ABI3BP: variants seen among roughly 807,000 people sequenced by gnomAD.
ABI3BP encodes the protein ABI family member 3 binding protein, also known as target of Nesh-SH3.
A neutral mutation model predicts 268.6 loss-of-function variants in ABI3BP; 216 were observed. That is an observed-to-expected ratio of 0.80 (90% CI 0.72 to 0.90). ABI3BP has a LOEUF of 0.90. ABI3BP is among the 40% of genes least tolerant of loss of function. The pLI, the probability that ABI3BP is intolerant of heterozygous loss-of-function variation, is 0.00. For synonymous variants in ABI3BP, 730 were observed against 730.0 expected (o/e 1.00, Z 0.00); for missense variants, 2,090 against 2,182.4 (o/e 0.96, Z 0.84).
At chr3:100,817,863 A>T (rs73135539) in intron 41 of ABI3BP, among the ~76,000 whole-genome samples, 21,812 of 152,200 alleles carry the variant, frequency 0.14, 1,983 homozygotes, top group South Asian at 0.27. Flanking sequence ...TATCTTGTTA[A>T]CTACTGTCTA....
At chr3:100,979,180 G>A (rs190343921) in intron 1 of ABI3BP, among the ~76,000 whole-genome samples, 16 of 152,262 alleles carry the variant, frequency 1.1e-4, no homozygotes, top group East Asian at 7.7e-4. Flanking sequence ...GGACCACTGC[G>A]CTCAGTGATT....
At chr3:100,790,493 CTAAGT>C (rs1388084318) in intron 55 of ABI3BP, among the ~76,000 whole-genome samples, 1 of 151,966 alleles carries the variant, frequency 6.6e-6, no homozygotes, top group African/African-American at 2.4e-5. Context: ...GCCTTGCCTA[CTAAGT>C]TAAAAAAGTA....
rs888102611 is a variant in ABI3BP, at chr3:100,813,722, C to T, written c.3303G>A (p.Leu1101=). ...APGTTFALTE[L]QTLILKPVTS... is the part of the protein sequence containing the mutation. ...TCACTGGTTTCAAAATAAGAGTTTG[C>T]AGTTCAGTCAGAGCTGAAAGAAGAG... The change falls in exon 45 of 68, where the codon CTG becomes CTA. Residue 1101 remains leucine (L), a synonymous_variant. Coordinates refer to ENST00000471714, the MANE Select transcript of ABI3BP (RefSeq NM_001375547.2). 9.1e-6 allele frequency: 14 copies of T among 1,535,124 alleles called. No individual in the cohort carries two copies. In the Admixed American group the frequency reaches 1.8e-4, roughly 19 times the overall value.
chr3:100,922,315 C>T (rs187715916), intron 2 of ABI3BP, among the ~76,000 whole-genome samples: 5 of 152,238 alleles, frequency 3.3e-5, no homozygotes, highest in Non-Finnish European at 7.4e-5. Flanking sequence ...CCCAACAAAG[C>T]TTGCTTACAT....
intron 1 of ABI3BP, among the ~76,000 whole-genome samples, chr3:100,939,761 A>G (rs1188108487): frequency 6.6e-6 from 1 of 152,080 alleles, no homozygotes; most frequent in Non-Finnish European, 1.5e-5. Flanking sequence ...TTTTGAGAGC[A>G]ACCGGTCTGA....
rs2098638349 is a variant in ABI3BP at position 100,838,454 on chromosome 3, TG to T, written c.1955del (p.Pro652HisfsTer57). 6.5e-7 allele frequency: 1 copy of T among 1,535,568 alleles called. No individual in the cohort carries two copies. The highest frequency in any genetic ancestry group is 2.0e-5 in the Admixed American group (1 of 50,958). ...TGTGTGTGGTTTTAGGTCTCTCAGA[TG>T]GTTTTGAGGCTAAAGAAAAAGGTAT... is the stretch of plus-strand genomic sequence containing the variant. ...EPLVPTTASK[P>X]SERPKTTHRP... On this transcript the variant is annotated frameshift_variant, in exon 25 of 68. Coordinates refer to ENST00000471714, the MANE Select transcript of ABI3BP (RefSeq NM_001375547.2). LOFTEE classifies it high-confidence loss of function.
Position 100,902,658 on chromosome 3 carries a change from C to T in ABI3BP, c.288G>A (p.Val96=). The change falls in exon 3 of 68, where the codon GTG becomes GTA. Residue 96 remains valine (V), a synonymous_variant. Transcript: ENST00000471714. ...VDAEPKYLIV[V]RPAPPPSQKK... is the part of the protein sequence containing the mutation. ...TTTGACTTGGAGGTGGAGCAGGTCG[C>T]ACAACTATCAGATATTTCGGCTCTG... 1.2e-6 allele frequency: 2 copies of T among 1,613,890 alleles called. No homozygotes were observed. Among genetic ancestry groups the T allele is most frequent in the Non-Finnish European group, 1.7e-6 (2 of 1,179,860 alleles).
chr3:100,938,345 C>T (rs1455325789), intron 1 of ABI3BP, among the ~76,000 whole-genome samples: 1 of 150,454 alleles, frequency 6.6e-6, no homozygotes, highest in Non-Finnish European at 1.5e-5. Context: ...AATAATTTAA[C>T]ATTTTCTTTA....
At chr3:100,757,382 C>T (rs893111761) in intron 63 of ABI3BP, among the ~76,000 whole-genome samples, 2 of 152,068 alleles carry the variant, frequency 1.3e-5, no homozygotes, top group African/African-American at 4.8e-5. Flanking sequence ...AAGACAAGTC[C>T]TCAAAACTGA....
intron 1 of ABI3BP, among the ~76,000 whole-genome samples, chr3:100,956,701 A>G (rs1002752143): frequency 6.6e-6 from 1 of 152,234 alleles, no homozygotes; most frequent in African/African-American, 2.4e-5. Context: ...AAACAGGAAG[A>G]GTCAAGGTGG....
rs765921804 is a variant in ABI3BP at position 100,832,296 on chromosome 3, G to A, written c.2369C>T (p.Thr790Met). The A allele has an allele frequency of 3.6e-5, 56 of 1,535,474 alleles. No individual in the cohort carries two copies. The highest frequency in any genetic ancestry group is 1.8e-4 in the South Asian group (15 of 84,038). Reference sequence around the variant, plus strand: ...AGTTTGAGGTACTTCTGGATGGGGCGTGGTTTTAGGTTTGGGATGTGGACG... The same window carrying A: ...AGTTTGAGGTACTTCTGGATGGGGCATGGTTTTAGGTTTGGGATGTGGACG... ...TRRPHPKPKT[T>M]PHPEVPQTKL... The change falls in exon 31 of 68, where the codon ACG becomes ATG. Residue 790 changes from threonine (T) to methionine (M), a missense_variant. Coordinates refer to ENST00000471714, the MANE Select transcript of ABI3BP (RefSeq NM_001375547.2).
chr3:100,927,853 C>G (rs747508365), intron 1 of ABI3BP, among the ~76,000 whole-genome samples: 20 of 152,048 alleles, frequency 1.3e-4, no homozygotes, highest in Admixed American at 5.2e-4. Context: ...TTAAACCTGG[C>G]CCATAGTAAT....
At chr3:100,754,511 A>G in intron 64 of ABI3BP, 101 bp downstream of exon 64, 2 of 1,154,240 alleles carry the variant, frequency 1.7e-6, no homozygotes, top group Non-Finnish European at 2.5e-6. Flanking sequence ...AAATTCAAGA[A>G]ACAGTACATG....
intron 32 of ABI3BP, among the ~76,000 whole-genome samples, chr3:100,830,158 TATATATAA>T (rs1457985229): frequency 1.4e-4 from 11 of 78,888 alleles, no homozygotes; most frequent in African/African-American, 4.9e-4. Flanking sequence ...TATATATATA[TATATATAA>T]AATGCAGATA....
chr3:100,813,422 G>A (rs2097913657), intron 45 of ABI3BP, among the ~76,000 whole-genome samples: 1 of 152,030 alleles, frequency 6.6e-6, no homozygotes, highest in Non-Finnish European at 1.5e-5. Flanking sequence ...AATCAGATAT[G>A]TGGTTATTTT....
At chr3:100,852,096 A>G (rs1270204449) in intron 14 of ABI3BP, among the ~76,000 whole-genome samples, 156 bp from the exon 15 acceptor site, 1 of 152,160 alleles carries the variant, frequency 6.6e-6, no homozygotes, top group Non-Finnish European at 1.5e-5. Flanking sequence ...CCTTGTCACT[A>G]ACATCTAAGC....
Position 100,837,177 on chromosome 3 carries a change from T to A in ABI3BP, c.2084-6A>T. On this transcript the variant is annotated splice_region_variant and splice_polypyrimidine_tract_variant and intron_variant, in intron 26 of 67. Transcript: ENST00000471714. Reference sequence around the variant, plus strand: ...AAATGGAACAGGCTCAGAGACTGCATCATAAAAAATAAACAGATATAAGTA... The same window carrying A: ...AAATGGAACAGGCTCAGAGACTGCAACATAAAAAATAAACAGATATAAGTA... 1.3e-6 allele frequency: 2 copies of A among 1,532,798 alleles called. No homozygotes were observed. Among genetic ancestry groups the A allele is most frequent in the South Asian group, 1.2e-5 (1 of 83,454 alleles). 94.9% of individuals were successfully genotyped at this position (1,532,798 alleles called of 1,614,324 possible).
intron 1 of ABI3BP, among the ~76,000 whole-genome samples, chr3:100,986,132 C>G (rs974265907): frequency 2.0e-5 from 3 of 152,174 alleles, no homozygotes; most frequent in African/African-American, 7.2e-5. Flanking sequence ...TTTGATGAAG[C>G]AAGTGGCCAT....
chr3:100,883,925 A>G (rs183412939), intron 6 of ABI3BP, among the ~76,000 whole-genome samples: 8 of 152,202 alleles, frequency 5.3e-5, no homozygotes, highest in Admixed American at 5.2e-4. Flanking sequence ...GGAAACTTAT[A>G]ATCATGCACT....
Sources: allele counts gnomAD v4.1 joint callset (sites outside exome capture counted in the v4.1 genomes callset), GRCh38; gene constraint gnomAD v4.1.1; transcripts MANE v1.5; gene names NCBI Gene and HGNC (gene_info 2026-07-23, HGNC 2026-07-21).